Variants in STAG1 observed in about 807,000 individuals in gnomAD.
STAG1 encodes the protein cohesin subunit SA-1.
Under a neutral mutation model 170.9 loss-of-function variants are expected in STAG1, and 26 were observed. The observed-to-expected ratio is 0.15, with a 90% CI of 0.11 to 0.21. The LOEUF (loss-of-function observed/expected upper bound fraction) is 0.21. STAG1 is among the 10% of genes least tolerant of loss of function. The probability of loss-of-function intolerance (pLI) is 1.00; values close to 1 mark genes in which losing one functional copy is unlikely to be tolerated. For synonymous variants in STAG1, 514 were observed against 497.7 expected, an observed-to-expected ratio of 1.03 and a Z score of -0.44; for missense variants, 964 against 1,509.5, an observed-to-expected ratio of 0.64 and a Z score of 5.99.
chr3:136,536,858 T>C (rs866247135), intron 6 of STAG1, among the ~76,000 whole-genome samples: 2 of 152,304 alleles, frequency 1.3e-5, no homozygotes, highest in Middle Eastern at 3.4e-3. Context: ...ATAACAATAT[T>C]ATAAACTACC....
intron 23 of STAG1, among the ~76,000 whole-genome samples, chr3:136,374,465 A>G (rs1252426149): frequency 6.6e-6 from 1 of 152,074 alleles, no homozygotes; most frequent in African/African-American, 2.4e-5. Flanking sequence ...TAAAAATACA[A>G]AATTAGCCAG....
chr3:136,745,219 C>A (rs1576842707), intron 1 of STAG1, among the ~76,000 whole-genome samples: 1 of 152,062 alleles, frequency 6.6e-6, no homozygotes, highest in East Asian at 1.9e-4. Context: ...TCATTTTGGC[C>A]CATAGCACAA....
chr3:136,512,510 A>T (rs1318890575), intron 7 of STAG1, among the ~76,000 whole-genome samples: 1 of 152,192 alleles, frequency 6.6e-6, no homozygotes, highest in African/African-American at 2.4e-5. Flanking sequence ...TCATTTTGGA[A>T]GTCCAGACAT....
At chr3:136,656,820 C>G (rs1364511921) in intron 1 of STAG1, among the ~76,000 whole-genome samples, 1 of 151,724 alleles carries the variant, frequency 6.6e-6, no homozygotes, top group Non-Finnish European at 1.5e-5. Flanking sequence ...GTAATTTACA[C>G]GTCAAAAAAA....
intron 4 of STAG1, among the ~76,000 whole-genome samples, chr3:136,570,138 T>C (rs558561864): frequency 1.3e-5 from 2 of 152,294 alleles, no homozygotes; most frequent in East Asian, 3.9e-4. Flanking sequence ...TACACCTGTG[T>C]AACCACAACC....
At chr3:136,409,659 C>T (rs1178663174) in intron 21 of STAG1, among the ~76,000 whole-genome samples, 6 of 152,054 alleles carry the variant, frequency 3.9e-5, no homozygotes, top group African/African-American at 1.4e-4. Flanking sequence ...CATTGAAACT[C>T]GCCCCCTACA....
chr3:136,486,179 T>C (rs545378819), intron 9 of STAG1, among the ~76,000 whole-genome samples: 19 of 152,234 alleles, frequency 1.2e-4, no homozygotes, highest in Non-Finnish European at 2.8e-4. Flanking sequence ...GTGTACCTAA[T>C]GTAGGACATA....
chr3:136,444,186 G>C (rs567034869), intron 14 of STAG1, among the ~76,000 whole-genome samples: 1 of 152,030 alleles, frequency 6.6e-6, no homozygotes, highest in East Asian at 1.9e-4. Flanking sequence ...TGATTCTCCT[G>C]CCTCAGCCTC....
intron 15 of STAG1, among the ~76,000 whole-genome samples, chr3:136,434,559 G>A (rs2088400318): frequency 6.6e-6 from 1 of 152,162 alleles, no homozygotes; most frequent in South Asian, 2.1e-4. Context: ...GGTAGGGGTA[G>A]TACTTTTTAT....
chr3:136,563,364 A>G (rs1056675850), intron 5 of STAG1, among the ~76,000 whole-genome samples: 1 of 151,904 alleles, frequency 6.6e-6, no homozygotes, highest in Non-Finnish European at 1.5e-5. Flanking sequence ...CATTTTTAGG[A>G]TATTCTCCCT....
intron 25 of STAG1, among the ~76,000 whole-genome samples, chr3:136,366,146 A>G (rs956152128): frequency 6.6e-6 from 1 of 152,070 alleles, no homozygotes; most frequent in African/African-American, 2.4e-5. Flanking sequence ...AGCCTAAAAT[A>G]AAATCCCAGT....
chr3:136,739,894 G>A (rs910342417), intron 1 of STAG1, among the ~76,000 whole-genome samples: 2 of 151,964 alleles, frequency 1.3e-5, no homozygotes, highest in Admixed American at 1.3e-4. Flanking sequence ...ACAGGATACT[G>A]TGCCTTATAA....
At chr3:136,447,005 T>C (rs1158727004) in intron 14 of STAG1, among the ~76,000 whole-genome samples, 1 of 150,566 alleles carries the variant, frequency 6.6e-6, no homozygotes, top group African/African-American at 2.4e-5. Context: ...TGTTTTACTA[T>C]GTTGGCCAGG....
At chr3:136,620,222 G>C (rs1416483029) in intron 3 of STAG1, among the ~76,000 whole-genome samples, 1 of 134,232 alleles carries the variant, frequency 7.4e-6, no homozygotes, top group Non-Finnish European at 1.6e-5. Context: ...AATTTTAAAA[G>C]GATTAAACTT....
At chr3:136,508,400 G>C (rs1235380913) in intron 7 of STAG1, among the ~76,000 whole-genome samples, 1 of 152,070 alleles carries the variant, frequency 6.6e-6, no homozygotes, top group East Asian at 1.9e-4. Flanking sequence ...GCAACATAAA[G>C]TCCTAGGCTG....
chr3:136,522,088 AGT>A (rs1385913114), intron 6 of STAG1, among the ~76,000 whole-genome samples: 1 of 152,220 alleles, frequency 6.6e-6, no homozygotes, highest in Middle Eastern at 3.2e-3. Flanking sequence ...TTCTCTGTCT[AGT>A]GTAAGACACT....
chr3:136,736,672 C>G (rs1934354031), intron 1 of STAG1: 2 of 1,604,810 alleles, frequency 1.2e-6, no homozygotes, highest in Non-Finnish European at 1.7e-6. Context: ...GCTTCAATCT[C>G]TTCTCCCCTT....
At chr3:136,437,512 C>G (rs185204859) in intron 15 of STAG1, among the ~76,000 whole-genome samples, 1 of 152,310 alleles carries the variant, frequency 6.6e-6, no homozygotes, top group African/African-American at 2.4e-5. Flanking sequence ...ATACAAGTTT[C>G]TACACAGCAT....
chr3:136,630,438 A>G (rs1008929930), intron 2 of STAG1, among the ~76,000 whole-genome samples: 1 of 152,194 alleles, frequency 6.6e-6, no homozygotes, highest in African/African-American at 2.4e-5. Context: ...GGTGACACCA[A>G]ACTATTTTTT....
Sources: gnomAD v4.1 joint callset for allele counts (sites outside exome capture counted in the v4.1 genomes callset) on GRCh38, gnomAD v4.1.1 for gene constraint, MANE v1.5 for transcripts, NCBI Gene and HGNC (gene_info 2026-07-23, HGNC 2026-07-21) for gene names.